The following LRRTM4 variants were observed in gnomAD, a reference collection of about 807,000 sequenced individuals.
LRRTM4 encodes leucine rich repeat transmembrane neuronal 4, also known as leucine-rich repeat transmembrane neuronal protein 4.
A neutral mutation model predicts 47.6 loss-of-function variants in LRRTM4; 25 were observed. That is an observed-to-expected ratio of 0.53 (90% CI 0.38 to 0.73). The LOEUF is 0.73. Ranked by LOEUF, LRRTM4 falls within the 30% of genes least tolerant of loss-of-function variation. The pLI is 0.00. For missense variants in LRRTM4, 638 were observed against 713.4 expected (o/e 0.89, Z 1.20); for synonymous variants, 311 against 269.5 (o/e 1.15, Z -1.51).
intron 3 of LRRTM4, among the ~76,000 whole-genome samples, chr2:77,438,014 T>C (rs1007755774): frequency 6.6e-6 from 1 of 152,182 alleles, no homozygotes; most frequent in Non-Finnish European, 1.5e-5. Context: ...ATTCTATAAA[T>C]GGCATCTTGT....
chr2:77,334,592 G>A (rs919245233), intron 3 of LRRTM4, among the ~76,000 whole-genome samples: 2 of 152,086 alleles, frequency 1.3e-5, no homozygotes, highest in Admixed American at 1.3e-4. Flanking sequence ...CACCATTATT[G>A]TGAGGCATCC....
At chr2:77,120,096 T>A (rs1226255863) in intron 3 of LRRTM4, among the ~76,000 whole-genome samples, 1 of 151,844 alleles carries the variant, frequency 6.6e-6, no homozygotes, top group Non-Finnish European at 1.5e-5. Flanking sequence ...ACCATCACTA[T>A]TCTGGCCTTC....
intron 3 of LRRTM4, among the ~76,000 whole-genome samples, chr2:77,458,334 T>G (rs1382377467): frequency 3.3e-5 from 5 of 152,188 alleles, no homozygotes; most frequent in African/African-American, 1.2e-4. Context: ...TTCACCTTTC[T>G]GCCAAGTCGT....
chr2:77,135,482 G>C (rs1671910824), intron 3 of LRRTM4, among the ~76,000 whole-genome samples: 1 of 152,122 alleles, frequency 6.6e-6, no homozygotes, highest in Non-Finnish European at 1.5e-5. Flanking sequence ...TCCCAGCAAT[G>C]TTTGGATTAA....
At chr2:76,812,684 T>TTTCC (rs1670769685) in intron 3 of LRRTM4, among the ~76,000 whole-genome samples, 1 of 150,474 alleles carries the variant, frequency 6.6e-6, no homozygotes, top group South Asian at 2.1e-4. Context: ...TCTTTCTTTC[T>TTTCC]TTCTTTCTTT....
intron 3 of LRRTM4, among the ~76,000 whole-genome samples, chr2:77,425,197 A>T (rs1366951137): frequency 1.3e-5 from 2 of 152,164 alleles, no homozygotes; most frequent in Admixed American, 6.5e-5. Context: ...AAAATTAAGG[A>T]CCAAGTTAGA....
chr2:77,145,021 A>G (rs1307913765), intron 3 of LRRTM4, among the ~76,000 whole-genome samples: 1 of 152,190 alleles, frequency 6.6e-6, no homozygotes, highest in Non-Finnish European at 1.5e-5. Flanking sequence ...CACACTAAAC[A>G]TAAGAAACCA....
At chr2:77,494,937 C>T (rs533506013) in intron 3 of LRRTM4, among the ~76,000 whole-genome samples, 11 of 152,156 alleles carry the variant, frequency 7.2e-5, no homozygotes, top group East Asian at 3.9e-4. Context: ...TTTCCCTCAA[C>T]GTAAATACTT....
intron 3 of LRRTM4, among the ~76,000 whole-genome samples, chr2:77,070,962 T>G (rs1179452602): frequency 1.3e-5 from 2 of 152,198 alleles, no homozygotes; most frequent in Non-Finnish European, 2.9e-5. Context: ...AAATGGCTGT[T>G]TCTTTCAGAA....
At chr2:76,921,353 G>A (rs11902174) in intron 3 of LRRTM4, among the ~76,000 whole-genome samples, 2,246 of 152,112 alleles carry the variant, frequency 0.015, 71 homozygotes, top group African/African-American at 0.051. Flanking sequence ...TGAAATGTAC[G>A]TGCTATTAAG....
chr2:76,957,591 A>G (rs563076042), intron 3 of LRRTM4, among the ~76,000 whole-genome samples: 104 of 151,886 alleles, frequency 6.8e-4, no homozygotes, highest in African/African-American at 2.0e-3. Context: ...TTTCTATTCC[A>G]GAATTATTTT....
At chr2:77,016,315 G>A (rs771373879) in intron 3 of LRRTM4, among the ~76,000 whole-genome samples, 1 of 150,664 alleles carries the variant, frequency 6.6e-6, no homozygotes, top group Non-Finnish European at 1.5e-5. Flanking sequence ...GAACCTGGGA[G>A]GCAGAGGTTG....
intron 3 of LRRTM4, among the ~76,000 whole-genome samples, chr2:76,856,494 T>C (rs1019557376): frequency 6.6e-6 from 1 of 152,134 alleles, no homozygotes; most frequent in Non-Finnish European, 1.5e-5. Flanking sequence ...TCAATATACA[T>C]AGACCTTAAT....
intron 3 of LRRTM4, among the ~76,000 whole-genome samples, chr2:77,074,017 T>G (rs1400476875): frequency 6.6e-6 from 1 of 152,146 alleles, no homozygotes; most frequent in African/African-American, 2.4e-5. Flanking sequence ...ATTGTGTACA[T>G]TTATATTTTT....
At chr2:77,418,445 C>T (rs1354589) in intron 3 of LRRTM4, among the ~76,000 whole-genome samples, 6,689 of 152,214 alleles carry the variant, frequency 0.044, 487 homozygotes, top group African/African-American at 0.15. Context: ...GCTCCATCCC[C>T]GAGCATATGC....
chr2:77,340,342 TG>T (rs1390732210), intron 3 of LRRTM4, among the ~76,000 whole-genome samples: 3 of 151,860 alleles, frequency 2.0e-5, no homozygotes, highest in Non-Finnish European at 4.4e-5. Context: ...CACTCCAAGT[TG>T]GTATTTTCAA....
intron 3 of LRRTM4, among the ~76,000 whole-genome samples, chr2:77,498,982 T>C (rs1678467249): frequency 6.6e-6 from 1 of 151,836 alleles, no homozygotes; most frequent in African/African-American, 2.4e-5. Flanking sequence ...GACATCCAAC[T>C]CCTGAAGTTT....
At chr2:77,218,087 C>G (rs934405292) in intron 3 of LRRTM4, among the ~76,000 whole-genome samples, 3 of 152,164 alleles carry the variant, frequency 2.0e-5, no homozygotes, top group Admixed American at 1.3e-4. Context: ...CTCCCCGTCT[C>G]AGGTTCAAAC....
At chr2:76,780,912 T>G (rs1438703053) in intron 3 of LRRTM4, among the ~76,000 whole-genome samples, 1 of 151,928 alleles carries the variant, frequency 6.6e-6, no homozygotes, top group Non-Finnish European at 1.5e-5. Context: ...TGGTCTTTGA[T>G]GATGGTGATG....
Sources: gnomAD v4.1 joint callset for allele counts (sites outside exome capture counted in the v4.1 genomes callset) on GRCh38, gnomAD v4.1.1 for gene constraint, MANE v1.5 for transcripts, NCBI Gene and HGNC (gene_info 2026-07-23, HGNC 2026-07-21) for gene names.